The following UTRN variants were observed in gnomAD, a reference collection of about 807,000 sequenced individuals.
UTRN encodes the protein dystrophin-related protein 1.
UTRN carries 283 observed loss-of-function variants against 463.9 expected under a neutral mutation model. The ratio of observed to expected loss-of-function variants is 0.61; its 90% CI spans 0.55 to 0.67. The LOEUF is 0.67. UTRN is among the 30% of genes least tolerant of loss of function. The probability of loss-of-function intolerance (pLI) is 0.00; values close to 1 mark genes in which losing one functional copy is unlikely to be tolerated. For missense variants in UTRN, 3,922 were observed against 4,084.3 expected (o/e 0.96, Z 1.08); for synonymous variants, 1,442 against 1,431.5 (o/e 1.01, Z -0.17).
chr6:144,741,159 T>C (rs1009816944), intron 54 of UTRN, among the ~76,000 whole-genome samples: 1 of 152,214 alleles, frequency 6.6e-6, no homozygotes, highest in African/African-American at 2.4e-5. Context: ...TGAATTCTCC[T>C]CTTCAATTAA....
intron 64 of UTRN, among the ~76,000 whole-genome samples, chr6:144,799,193 C>T (rs1474225734): frequency 6.6e-6 from 1 of 152,162 alleles, no homozygotes; most frequent in Non-Finnish European, 1.5e-5. Context: ...ATTTGACTGA[C>T]TTTATCAGCA....
chr6:144,793,794 G>C, intron 62 of UTRN, 40 bp from the exon 63 acceptor site: 1 of 1,602,456 alleles, frequency 6.2e-7, no homozygotes, highest in Non-Finnish European at 8.5e-7. Flanking sequence ...AAAAGAACAT[G>C]GTAGACAGAT....
chr6:144,516,430 C>A, intron 38 of UTRN, 43 bp downstream of exon 38: 1 of 1,573,796 alleles, frequency 6.4e-7, no homozygotes, highest in Non-Finnish European at 8.6e-7. Flanking sequence ...TCTCATTTTT[C>A]TTCTCTATTA....
chr6:144,806,178 A>G (rs1197160985), intron 65 of UTRN, among the ~76,000 whole-genome samples: 2 of 152,200 alleles, frequency 1.3e-5, no homozygotes, highest in South Asian at 2.1e-4. Context: ...CATATCTTCA[A>G]CAGTTGTCAT....
intron 2 of UTRN, among the ~76,000 whole-genome samples, chr6:144,356,829 A>G (rs879707902): frequency 2.0e-5 from 3 of 151,422 alleles, no homozygotes; most frequent in Non-Finnish European, 4.4e-5. Context: ...CGTCTAAAAT[A>G]TGAATAAATA....
chr6:144,720,617 G>A (rs900094544), intron 53 of UTRN, among the ~76,000 whole-genome samples: 2 of 152,202 alleles, frequency 1.3e-5, no homozygotes, highest in Admixed American at 6.5e-5. Context: ...GTTTAAGTAA[G>A]TATGTGGAAG....
intron 2 of UTRN, among the ~76,000 whole-genome samples, chr6:144,392,303 G>C (rs533466691): frequency 6.6e-6 from 1 of 152,238 alleles, no homozygotes; most frequent in Non-Finnish European, 1.5e-5. Context: ...AGAGGATTTA[G>C]TCTTATAATC....
At chr6:144,306,755 T>C (rs1805774983) in intron 2 of UTRN, among the ~76,000 whole-genome samples, 1 of 151,990 alleles carries the variant, frequency 6.6e-6, no homozygotes, top group Non-Finnish European at 1.5e-5. Flanking sequence ...CTTTGCAAGA[T>C]AATGTTAAAA....
chr6:144,543,735 CTCTTATTTTTCTTTTCTTTTCCTTCTCTT>C (rs1798175941), intron 46 of UTRN, among the ~76,000 whole-genome samples: 1 of 151,652 alleles, frequency 6.6e-6, no homozygotes, highest in African/African-American at 2.4e-5. Context: ...TCTCTTATTC[CTCTTATTTTTCTTTTCTTTTCCTTCTCTT>C]CCTCCTCCTC....
intron 64 of UTRN, among the ~76,000 whole-genome samples, chr6:144,801,791 T>C (rs1777723283): frequency 6.6e-6 from 1 of 152,128 alleles, no homozygotes; most frequent in Admixed American, 6.5e-5. Context: ...CTTAGCTCTG[T>C]TTTCATGCAC....
intron 2 of UTRN, among the ~76,000 whole-genome samples, chr6:144,362,451 G>T (rs1046432754): frequency 1.3e-5 from 2 of 152,198 alleles, no homozygotes; most frequent in African/African-American, 2.4e-5. Flanking sequence ...AATAGCTGAG[G>T]TCATTGCATG....
At chr6:144,408,381 G>A (rs920124493) in intron 3 of UTRN, among the ~76,000 whole-genome samples, 2 of 152,234 alleles carry the variant, frequency 1.3e-5, no homozygotes, top group African/African-American at 4.8e-5. Context: ...CTGACTTTGA[G>A]CCTGCATTTT....
At chr6:144,529,923 T>C (rs1333826304) in intron 41 of UTRN, among the ~76,000 whole-genome samples, 1 of 152,210 alleles carries the variant, frequency 6.6e-6, no homozygotes, top group African/African-American at 2.4e-5. Flanking sequence ...TTCCTTTTTA[T>C]GCTTATTTCA....
rs375789901 is a variant in UTRN, at chr6:144,450,392, A to G, written c.2073-978A>G. Among the ~76,000 whole-genome samples, 12 of 152,142 alleles carry G rather than the reference A, an allele frequency of 7.9e-5. No individual in the cohort carries two copies. The East Asian group carries it at 1.5e-3, about 20-fold the overall frequency. On this transcript the variant is annotated intron_variant, in intron 17 of 74. Coordinates refer to ENST00000367545, the MANE Select transcript of UTRN (RefSeq NM_007124.3). ...CCAGACACGCCTAACTAATACTTGC[A>G]GTTTGCAAAATGTGATCTTCCCTTT... is the stretch of plus-strand genomic sequence containing the variant.
chr6:144,400,584 T>C (rs1432060738), intron 2 of UTRN, among the ~76,000 whole-genome samples: 1 of 152,198 alleles, frequency 6.6e-6, no homozygotes, highest in African/African-American at 2.4e-5. Flanking sequence ...ACTGAATTCC[T>C]GTCTAGTAGA....
intron 51 of UTRN, among the ~76,000 whole-genome samples, chr6:144,605,806 A>G (rs1398054641): frequency 1.3e-5 from 2 of 151,914 alleles, no homozygotes; most frequent in Admixed American, 1.3e-4. Flanking sequence ...GATATCTGGG[A>G]TATTTAGAAA....
chr6:144,297,509 C>T (rs562816918), intron 2 of UTRN, among the ~76,000 whole-genome samples: 10 of 152,274 alleles, frequency 6.6e-5, no homozygotes, highest in Middle Eastern at 6.8e-3. Context: ...AAAGCAGTAT[C>T]TGTGAGGGGA....
At chr6:144,564,562 C>T (rs1448449909) in intron 50 of UTRN, among the ~76,000 whole-genome samples, 1 of 152,096 alleles carries the variant, frequency 6.6e-6, no homozygotes, top group Non-Finnish European at 1.5e-5. Context: ...TTTTAACTGA[C>T]TTATAGTTCA....
At chr6:144,668,205 C>T (rs999655137) in intron 51 of UTRN, among the ~76,000 whole-genome samples, 1 of 152,130 alleles carries the variant, frequency 6.6e-6, no homozygotes, top group Non-Finnish European at 1.5e-5. Flanking sequence ...CCTCATGTAA[C>T]TGACATCTTC....
Sources: gnomAD v4.1 joint callset for allele counts (sites outside exome capture counted in the v4.1 genomes callset) on GRCh38, gnomAD v4.1.1 for gene constraint, MANE v1.5 for transcripts, NCBI Gene and HGNC (gene_info 2026-07-23, HGNC 2026-07-21) for gene names.